The following DCC variants were observed in gnomAD, a reference collection of about 807,000 sequenced individuals.
DCC encodes DCC netrin 1 receptor.
Under a neutral mutation model 172.5 loss-of-function variants are expected in DCC, and 58 were observed. That is an observed-to-expected ratio of 0.34 (90% CI 0.27 to 0.42). The LOEUF (loss-of-function observed/expected upper bound fraction) is 0.42, where lower values mean the gene tolerates loss of function less well. DCC is among the 10% of genes least tolerant of loss of function. The pLI is 1.00. For missense variants in DCC, 1,740 were observed against 1,791.0 expected (o/e 0.97, Z 0.51); for synonymous variants, 709 against 644.5 (o/e 1.10, Z -1.52).
At chr18:53,016,555 A>C (rs2041809812) in intron 5 of DCC, among the ~76,000 whole-genome samples, 1 of 152,130 alleles carries the variant, frequency 6.6e-6, no homozygotes, top group Non-Finnish European at 1.5e-5. Context: ...TTCACTAGAA[A>C]TAATGAAACT....
chr18:52,656,798 A>G (rs904105933), intron 1 of DCC, among the ~76,000 whole-genome samples: 2 of 152,104 alleles, frequency 1.3e-5, no homozygotes, highest in African/African-American at 4.8e-5. Flanking sequence ...CACTACCATT[A>G]ACTCCATGGG....
At chr18:52,751,694 A>T (rs1443577067) in intron 1 of DCC, among the ~76,000 whole-genome samples, 1 of 152,176 alleles carries the variant, frequency 6.6e-6, no homozygotes, top group East Asian at 1.9e-4. Context: ...CTTAGCTACC[A>T]CACTAATAAC....
intron 11 of DCC, among the ~76,000 whole-genome samples, chr18:53,213,403 A>G (rs1238191519): frequency 6.6e-6 from 1 of 152,032 alleles, no homozygotes; most frequent in Admixed American, 6.6e-5. Flanking sequence ...TAATCCCAGC[A>G]CTTTGGGAGG....
At chr18:53,302,501 A>T (rs1468837022) in intron 12 of DCC, among the ~76,000 whole-genome samples, 1 of 152,182 alleles carries the variant, frequency 6.6e-6, no homozygotes, top group Non-Finnish European at 1.5e-5. Flanking sequence ...TATATCTTTT[A>T]TCACATTACA....
chr18:52,836,263 TC>T (rs1462555564), intron 2 of DCC, among the ~76,000 whole-genome samples: 1 of 152,140 alleles, frequency 6.6e-6, no homozygotes, highest in African/African-American at 2.4e-5. Context: ...ATATAATTCT[TC>T]CCCTGGTTCC....
chr18:53,431,278 C>T lies in DCC; in HGVS notation c.3164-3866C>T, dbSNP rs113725306. Among the ~76,000 whole-genome samples, 635 of 96,118 alleles carry T rather than the reference C, an allele frequency of 6.6e-3. 1 individual carries two copies. The highest frequency in any genetic ancestry group is 0.011 in the Non-Finnish European group (395 of 37,194). 63.1% of individuals were successfully genotyped at this position (96,118 alleles called of 152,430 possible). ...TTTATTATCAAAACTTTGGCAGAAG[C>T]TTTTTTTTTTTTTATGAAATTAGCT... On this transcript the variant is annotated intron_variant, in intron 21 of 28. Transcript: ENST00000442544.
intron 1 of DCC, among the ~76,000 whole-genome samples, chr18:52,750,553 T>C (rs1020009964): frequency 1.3e-5 from 2 of 152,192 alleles, no homozygotes; most frequent in Non-Finnish European, 2.9e-5. Context: ...AAGGAATGAA[T>C]ATATGACAGT....
intron 2 of DCC, among the ~76,000 whole-genome samples, chr18:52,768,383 A>G (rs755081272): frequency 1.7e-4 from 26 of 152,158 alleles, no homozygotes; most frequent in Non-Finnish European, 2.9e-4. Flanking sequence ...TAAATCGCCA[A>G]TGGGGGAAGA....
intron 25 of DCC, among the ~76,000 whole-genome samples, chr18:53,472,606 T>C (rs2045711425): frequency 6.6e-6 from 1 of 152,200 alleles, no homozygotes; most frequent in Non-Finnish European, 1.5e-5. Context: ...CCATATGCCA[T>C]TGCTTTTTCT....
intron 1 of DCC, among the ~76,000 whole-genome samples, chr18:52,721,774 G>A (rs1599047449): frequency 6.6e-6 from 1 of 152,106 alleles, no homozygotes; most frequent in Non-Finnish European, 1.5e-5. Flanking sequence ...CCTGTAATCT[G>A]AACACTTTGG....
At chr18:52,469,030 GATTTATTTATTTATTTATTT>G (rs3086373) in intron 1 of DCC, among the ~76,000 whole-genome samples, 112 of 145,770 alleles carry the variant, frequency 7.7e-4, no homozygotes, top group African/African-American at 2.0e-3. Flanking sequence ...AAACAATTTT[GATTTATTTATTTATTTATTT>G]ATTTATTTAT....
intron 2 of DCC, among the ~76,000 whole-genome samples, chr18:52,870,763 C>T (rs2039306573): frequency 6.8e-6 from 1 of 146,238 alleles, no homozygotes; most frequent in African/African-American, 2.5e-5. Context: ...CTGACCCAAT[C>T]ATCACGCTCC....
intron 2 of DCC, among the ~76,000 whole-genome samples, chr18:52,846,501 T>C (rs1000926880): frequency 1.3e-5 from 2 of 151,766 alleles, no homozygotes; most frequent in African/African-American, 4.8e-5. Flanking sequence ...ATTGAGTCAC[T>C]ACACTACAGC....
At chr18:53,146,104 C>G (rs918119306) in intron 7 of DCC, among the ~76,000 whole-genome samples, 23 of 152,068 alleles carry the variant, frequency 1.5e-4, no homozygotes, top group African/African-American at 5.6e-4. Context: ...TGGTGGCACA[C>G]ACCTGTAATC....
At chr18:53,253,644 C>T (rs2056469412) in intron 12 of DCC, among the ~76,000 whole-genome samples, 1 of 151,980 alleles carries the variant, frequency 6.6e-6, no homozygotes, top group African/African-American at 2.4e-5. Context: ...ACTATTCTGT[C>T]AATTATGTCA....
At chr18:52,782,995 T>C (rs1310161745) in intron 2 of DCC, among the ~76,000 whole-genome samples, 2 of 152,084 alleles carry the variant, frequency 1.3e-5, no homozygotes, top group African/African-American at 4.8e-5. Context: ...GGTGCCCTGT[T>C]AGAGTAAAGG....
intron 2 of DCC, among the ~76,000 whole-genome samples, chr18:52,851,735 C>A (rs1598867013): frequency 1.3e-5 from 2 of 152,102 alleles, no homozygotes; most frequent in South Asian, 4.1e-4. Context: ...TAGCATCCAT[C>A]TGAAATATAA....
At chr18:52,788,730 C>G (rs1001022549) in intron 2 of DCC, among the ~76,000 whole-genome samples, 41 of 152,084 alleles carry the variant, frequency 2.7e-4, no homozygotes, top group Admixed American at 1.3e-4. Context: ...GGGCGGAGCC[C>G]TTGGAGGAAC....
intron 14 of DCC, among the ~76,000 whole-genome samples, chr18:53,326,191 T>C (rs1360991203): frequency 6.6e-6 from 1 of 152,140 alleles, no homozygotes; most frequent in Non-Finnish European, 1.5e-5. Flanking sequence ...ACATAAGCAA[T>C]CTGAAAAAGA....
Sources: gnomAD v4.1 joint callset for allele counts (sites outside exome capture counted in the v4.1 genomes callset) on GRCh38, gnomAD v4.1.1 for gene constraint, MANE v1.5 for transcripts, NCBI Gene and HGNC (gene_info 2026-07-23, HGNC 2026-07-21) for gene names.